ZNF169: variants seen among roughly 807,000 people sequenced by gnomAD.
The protein encoded by ZNF169 is zinc finger protein 169.
Under a neutral mutation model 12.0 loss-of-function variants are expected in ZNF169, and 11 were observed. The ratio of observed to expected loss-of-function variants is 0.92; its 90% CI spans 0.58 to 1.52. The LOEUF (loss-of-function observed/expected upper bound fraction) is 1.52. ZNF169 is among the 40% of genes most tolerant of loss of function. The probability of loss-of-function intolerance (pLI) is 0.00; values close to 1 mark genes in which losing one functional copy is unlikely to be tolerated. For synonymous variants in ZNF169, 302 were observed against 286.5 expected (o/e 1.05, Z -0.55); for missense variants, 722 against 744.0 (o/e 0.97, Z 0.34).
intron 4 of ZNF169, chr9:94,293,316 G>A: frequency 3.4e-6 from 2 of 591,056 alleles, no homozygotes; most frequent in African/African-American, 1.9e-5. Flanking sequence ...CCTTTCTCGA[G>A]CACATTCAGG....
Position 94,292,446 on chromosome 9 carries a change from T to C in ZNF169, c.139T>C (p.Tyr47His). The change falls in exon 3 of 5, where the codon TAC becomes CAC. Residue 47 changes from tyrosine to histidine, a missense_variant. By Grantham distance (83) the Tyr-to-His change is moderately conservative. Transcript: ENST00000395395. ...GTACAGGGAGGTGATGCTGGAGAACTACAGCCATCTGGTCTCCCTGGGTAA... is the reference window on the plus strand; with the variant it reads ...GTACAGGGAGGTGATGCTGGAGAACCACAGCCATCTGGTCTCCCTGGGTAA... ...TLYREVMLEN[Y>H]SHLVSLGIAF... The C allele has an allele frequency of 1.2e-6, 2 of 1,614,076 alleles. No individual in the cohort carries two copies. Among genetic ancestry groups the C allele is most frequent in the Non-Finnish European group, 1.7e-6 (2 of 1,179,932 alleles).
intron 2 of ZNF169, among the ~76,000 whole-genome samples, chr9:94,291,136 C>T (rs974292919): frequency 1.4e-5 from 2 of 145,714 alleles, no homozygotes; most frequent in African/African-American, 5.1e-5. Context: ...CTCACTGCAA[C>T]CTCCGCCTCC....
intron 2 of ZNF169, among the ~76,000 whole-genome samples, chr9:94,280,422 C>T (rs747870729): frequency 1.3e-5 from 2 of 152,128 alleles, no homozygotes; most frequent in Non-Finnish European, 2.9e-5. Context: ...CTTCCACTTC[C>T]TGTGGAATCT....
At chr9:94,278,678 C>G in intron 1 of ZNF169, 80 bp from the exon 2 acceptor site, 1 of 729,650 alleles carries the variant, frequency 1.4e-6, no homozygotes, top group Admixed American at 2.6e-5. Context: ...TCCTCTACTC[C>G]CTACTGAATT....
intron 2 of ZNF169, among the ~76,000 whole-genome samples, chr9:94,286,221 TAC>T (rs983502070): frequency 2.0e-5 from 3 of 152,300 alleles, no homozygotes; most frequent in South Asian, 2.1e-4. Flanking sequence ...ACTGAAGAAT[TAC>T]AGAGTCATGT....
chr9:94,278,436 C>A (rs1321095486), intron 1 of ZNF169, among the ~76,000 whole-genome samples: 3 of 152,118 alleles, frequency 2.0e-5, no homozygotes, highest in Non-Finnish European at 4.4e-5. Flanking sequence ...TATGATGAGG[C>A]ATTTTATTTT....
At chr9:94,264,902 CT>C (rs1830263965) in intron 1 of ZNF169, among the ~76,000 whole-genome samples, 1 of 151,628 alleles carries the variant, frequency 6.6e-6, no homozygotes. Flanking sequence ...ATCCATTCTC[CT>C]TTTTCTGTTG....
At chr9:94,287,732 G>C in intron 2 of ZNF169, 1 of 1,373,540 alleles carries the variant, frequency 7.3e-7, no homozygotes, top group Non-Finnish European at 1.0e-6. Flanking sequence ...AACCAAGCTT[G>C]TGGCCACCAG....
intron 2 of ZNF169, among the ~76,000 whole-genome samples, chr9:94,279,313 C>G (rs1487754847): frequency 6.6e-5 from 10 of 152,022 alleles, no homozygotes; most frequent in Admixed American, 3.3e-4. Context: ...ATCACTTGAA[C>G]CCAGGAGGCT....
At chr9:94,296,020 G>C (rs10993151) in intron 4 of ZNF169, among the ~76,000 whole-genome samples, 15,056 of 152,226 alleles carry the variant, frequency 0.099, 1,237 homozygotes, top group East Asian at 0.33. Flanking sequence ...GAGAGCTCCA[G>C]GTGTTCCATA....
chr9:94,292,213 G>A (rs924633366), intron 2 of ZNF169, 128 bp from the exon 3 acceptor site: 50 of 1,503,834 alleles, frequency 3.3e-5, no homozygotes, highest in Non-Finnish European at 4.2e-5. Flanking sequence ...CAGGTTAAAA[G>A]CAGGATCTGT....
chr9:94,289,202 C>A (rs1383000984), intron 2 of ZNF169, among the ~76,000 whole-genome samples: 2 of 151,644 alleles, frequency 1.3e-5, no homozygotes, highest in East Asian at 3.9e-4. Flanking sequence ...AGTTTGAAAC[C>A]AGCCTGGGCA....
At chr9:94,285,927 CTT>C (rs973420510) in intron 2 of ZNF169, among the ~76,000 whole-genome samples, 1 of 152,040 alleles carries the variant, frequency 6.6e-6, no homozygotes, top group Non-Finnish European at 1.5e-5. Flanking sequence ...AGGAGAATCG[CTT>C]GAACCCAGGA....
intron 1 of ZNF169, among the ~76,000 whole-genome samples, chr9:94,259,892 T>TTTTA (rs140235520): frequency 5.3e-5 from 8 of 151,486 alleles, no homozygotes; most frequent in South Asian, 4.2e-4. Context: ...ATTTATTAAA[T>TTTTA]TTTATTTATT....
intron 1 of ZNF169, among the ~76,000 whole-genome samples, chr9:94,261,424 C>G (rs1282710503): frequency 6.6e-6 from 1 of 152,188 alleles, no homozygotes; most frequent in Non-Finnish European, 1.5e-5. Context: ...AAGCGTGAGC[C>G]ACTGCGCCCG....
At position 94,300,544 on chromosome 9, in the gene ZNF169, A is replaced by G. The variant is rs751459706; in HGVS notation, c.986A>G (p.Gln329Arg). The change falls in exon 5 of 5, where the codon CAG (glutamine) becomes CGG (arginine). Residue 329 changes from glutamine to arginine, a missense_variant. Transcript: ENST00000395395. ...VCQECGRGFR[Q>R]KIALLLHQRT... Reference sequence around the variant, plus strand: ...CAGGAGTGTGGGCGAGGCTTTCGCCAGAAGATAGCCCTCCTTCTACACCAG... The same window carrying G: ...CAGGAGTGTGGGCGAGGCTTTCGCCGGAAGATAGCCCTCCTTCTACACCAG... 1.2e-6 allele frequency: 2 copies of G among 1,614,186 alleles called. No homozygotes were observed. The highest frequency in any genetic ancestry group is 2.2e-5 in the South Asian group (2 of 91,084).
chr9:94,296,888 A>G, intron 4 of ZNF169: 1 of 450,164 alleles, frequency 2.2e-6, no homozygotes, highest in Non-Finnish European at 4.4e-6. Flanking sequence ...TACTAAAAAT[A>G]CAAAAAAAAC....
At chr9:94,286,622 C>T (rs1587682849) in intron 2 of ZNF169, among the ~76,000 whole-genome samples, 3 of 152,098 alleles carry the variant, frequency 2.0e-5, no homozygotes, top group Admixed American at 1.3e-4. Flanking sequence ...AAATGCAAGA[C>T]GCTAAAATGT....
At chr9:94,298,183 T>G (rs1342736237) in intron 4 of ZNF169, among the ~76,000 whole-genome samples, 4 of 151,464 alleles carry the variant, frequency 2.6e-5, no homozygotes, top group Non-Finnish European at 4.4e-5. Context: ...AAAAAAAAAT[T>G]TGTTCAAGGA....
Sources: gnomAD v4.1 joint callset for allele counts (sites outside exome capture counted in the v4.1 genomes callset) on GRCh38, gnomAD v4.1.1 for gene constraint, MANE v1.5 for transcripts, NCBI Gene and HGNC (gene_info 2026-07-23, HGNC 2026-07-21) for gene names.